The following AGBL4 variants were observed in gnomAD, a reference collection of about 807,000 sequenced individuals.
AGBL4 encodes AGBL carboxypeptidase 4.
In AGBL4, 58 loss-of-function variants were observed where a neutral mutation model predicts 66.4. The ratio of observed to expected loss-of-function variants is 0.87; its 90% confidence interval spans 0.71 to 1.09. The LOEUF is 1.09. AGBL4 is among the 50% of genes least tolerant of loss of function. The pLI is 0.00. For synonymous variants in AGBL4, 234 were observed against 222.9 expected, an observed-to-expected ratio of 1.05 and a Z score of -0.44; for missense variants, 579 against 631.0, an observed-to-expected ratio of 0.92 and a Z score of 0.88.
intron 3 of AGBL4, among the ~76,000 whole-genome samples, chr1:49,574,543 C>T (rs1413779327): frequency 6.6e-6 from 1 of 152,118 alleles, no homozygotes; most frequent in Non-Finnish European, 1.5e-5. Flanking sequence ...ATACCCTTGA[C>T]AAATGCCTTG....
intron 3 of AGBL4, among the ~76,000 whole-genome samples, chr1:49,549,708 C>T (rs1490821232): frequency 6.6e-6 from 1 of 152,064 alleles, no homozygotes; most frequent in African/African-American, 2.4e-5. Context: ...ATAATATGGT[C>T]TATCTTGGAG....
intron 2 of AGBL4, among the ~76,000 whole-genome samples, chr1:49,740,006 A>C (rs1325192836): frequency 2.0e-5 from 3 of 152,306 alleles, no homozygotes; most frequent in South Asian, 4.1e-4. Context: ...AACAAGCAAA[A>C]TAACCAGCTA....
chr1:49,845,401 A>G (rs1646113587), intron 2 of AGBL4: 1 of 1,387,562 alleles, frequency 7.2e-7, no homozygotes, highest in Non-Finnish European at 1.0e-6. Context: ...TCACACAAAC[A>G]AGAAGCCCTA....
Position 49,239,048 on chromosome 1 carries a change from G to A in AGBL4, c.377+6722C>T, listed in dbSNP as rs1164656776. Among the ~76,000 whole-genome samples, 8 of 151,902 alleles carry A rather than the reference G, an allele frequency of 5.3e-5. No individual in the cohort carries two copies. In the East Asian group the frequency reaches 5.8e-4, roughly 11 times the overall value. On this transcript the variant is annotated intron_variant, in intron 4 of 13. Coordinates refer to ENST00000371839, the MANE Select transcript of AGBL4 (RefSeq NM_032785.4). ...AAGTATGTCTACTCCATCATGTCCC[G>A]GAACCAGACTGTAATATTTTACCTT...
chr1:49,372,559 C>T (rs929667367), intron 3 of AGBL4, among the ~76,000 whole-genome samples: 1 of 152,108 alleles, frequency 6.6e-6, no homozygotes, highest in Non-Finnish European at 1.5e-5. Context: ...AAATTCAGTT[C>T]ATCCTTTAAA....
At chr1:48,674,721 TA>T (rs2148471711) in intron 6 of AGBL4, among the ~76,000 whole-genome samples, 1 of 152,254 alleles carries the variant, frequency 6.6e-6, no homozygotes, top group East Asian at 1.9e-4. Context: ...CTAGATGAAT[TA>T]AAATAAAGTA....
intron 6 of AGBL4, among the ~76,000 whole-genome samples, chr1:48,807,832 C>A (rs1446663996): frequency 1.8e-5 from 2 of 113,124 alleles, no homozygotes; most frequent in African/African-American, 5.3e-5. Flanking sequence ...GGATCTCTCC[C>A]TGTATTGTTC....
intron 9 of AGBL4, among the ~76,000 whole-genome samples, chr1:48,607,753 C>T (rs1182520575): frequency 6.6e-6 from 1 of 152,162 alleles, no homozygotes; most frequent in African/African-American, 2.4e-5. Flanking sequence ...TACTTTTATA[C>T]ACACAAACTC....
chr1:49,632,623 T>A (rs1645592772), intron 3 of AGBL4, among the ~76,000 whole-genome samples: 1 of 152,196 alleles, frequency 6.6e-6, no homozygotes, highest in African/African-American at 2.4e-5. Context: ...AAGGAGATAC[T>A]CCTATTTCCT....
chr1:49,917,258 A>G (rs906957142), intron 1 of AGBL4, among the ~76,000 whole-genome samples: 25 of 152,270 alleles, frequency 1.6e-4, no homozygotes, highest in Non-Finnish European at 1.8e-4. Flanking sequence ...ATGTAAATGG[A>G]ATAAATGCTC....
At chr1:48,624,527 G>T (rs1645467439) in intron 9 of AGBL4, among the ~76,000 whole-genome samples, 1 of 152,170 alleles carries the variant, frequency 6.6e-6, no homozygotes, top group South Asian at 2.1e-4. Flanking sequence ...TTAACCAGGG[G>T]GTTTACCCAG....
intron 3 of AGBL4, among the ~76,000 whole-genome samples, chr1:49,618,955 G>C (rs1166492586): frequency 1.3e-5 from 2 of 152,124 alleles, no homozygotes; most frequent in Non-Finnish European, 2.9e-5. Context: ...ACTAGGTATT[G>C]ATGGAACATA....
chr1:48,869,326 C>A (rs1324966630), intron 5 of AGBL4, among the ~76,000 whole-genome samples: 1 of 152,188 alleles, frequency 6.6e-6, no homozygotes, highest in African/African-American at 2.4e-5. Flanking sequence ...TCTTCCTTCC[C>A]TAACACGGAA....
At chr1:48,839,744 C>G (rs1646757283) in intron 6 of AGBL4, among the ~76,000 whole-genome samples, 1 of 152,070 alleles carries the variant, frequency 6.6e-6, no homozygotes, top group South Asian at 2.1e-4. Context: ...ATAACTGAAA[C>G]AAAACCTCAA....
Position 48,804,567 on chromosome 1 carries a change from T to C in AGBL4, c.634+62624A>G, listed in dbSNP as rs1175483827. On this transcript the variant is annotated intron_variant, in intron 6 of 13. Coordinates refer to ENST00000371839, the MANE Select transcript of AGBL4 (RefSeq NM_032785.4). ...ACACTGACCATCCATAACTGACAAA[T>C]AAGAGGCAGCATCTGATAAACAAGA... is the stretch of plus-strand genomic sequence containing the variant. Among the ~76,000 whole-genome samples the C allele has an allele frequency of 3.3e-5, 5 of 152,076 alleles. No individual in the cohort carries two copies. The East Asian group carries it at 9.6e-4, about 29-fold the overall frequency.
At position 48,885,350 on chromosome 1, in the gene AGBL4, G is replaced by A. The variant is rs185410055; in HGVS notation, c.595-18120C>T. ...GGTGGAGGTGAGTAGTTGTGGCAGA[G>A]ATTGTTTGACCTGCAAAGTTTAAAA... On this transcript the variant is annotated intron_variant, in intron 5 of 13. Transcript: ENST00000371839. Among the ~76,000 whole-genome samples the A allele has an allele frequency of 4.4e-3, 667 of 152,280 alleles. 6 individuals carry two copies. The highest frequency in any genetic ancestry group is 5.2e-3 in the Non-Finnish European group (356 of 68,022).
chr1:49,587,916 T>C (rs1644681754), intron 3 of AGBL4, among the ~76,000 whole-genome samples: 1 of 152,094 alleles, frequency 6.6e-6, no homozygotes, highest in African/African-American at 2.4e-5. Flanking sequence ...GGCTCTGTAA[T>C]TTTTCAGGAG....
intron 6 of AGBL4, among the ~76,000 whole-genome samples, chr1:48,754,875 G>C (rs1333695663): frequency 6.6e-6 from 1 of 152,134 alleles, no homozygotes; most frequent in Non-Finnish European, 1.5e-5. Flanking sequence ...TGAGGGTCTA[G>C]AGAGAGGCAC....
At chr1:48,614,188 T>G (rs1336791164) in intron 9 of AGBL4, among the ~76,000 whole-genome samples, 1 of 152,214 alleles carries the variant, frequency 6.6e-6, no homozygotes. Flanking sequence ...ACAGAACTGT[T>G]GGCATCAACT....
Sources: gnomAD v4.1 joint callset for allele counts (sites outside exome capture counted in the v4.1 genomes callset) on GRCh38, gnomAD v4.1.1 for gene constraint, MANE v1.5 for transcripts, NCBI Gene and HGNC (gene_info 2026-07-23, HGNC 2026-07-21) for gene names.